The following DRD2 variants were observed in gnomAD, a reference collection of about 807,000 sequenced individuals.
The protein encoded by DRD2 is D(2) dopamine receptor.
DRD2 carries 8 observed loss-of-function variants against 38.0 expected under a neutral mutation model. That is an observed-to-expected ratio of 0.21 (90% CI 0.12 to 0.38). The LOEUF (loss-of-function observed/expected upper bound fraction) is 0.38. Ranked by LOEUF, DRD2 falls within the 10% of genes least tolerant of loss-of-function variation. DRD2 has a pLI of 1.00. For synonymous variants in DRD2, 230 were observed against 238.6 expected, an observed-to-expected ratio of 0.96 and a Z score of 0.33; for missense variants, 403 against 607.7, an observed-to-expected ratio of 0.66 and a Z score of 3.54.
intron 1 of DRD2, among the ~76,000 whole-genome samples, chr11:113,426,043 G>A (rs1362945097): frequency 6.6e-6 from 1 of 152,104 alleles, no homozygotes; most frequent in Non-Finnish European, 1.5e-5. Flanking sequence ...GCTCAGAGGA[G>A]AGTGATGTTT....
At chr11:113,452,744 T>G (rs1951228978) in intron 1 of DRD2, among the ~76,000 whole-genome samples, 2 of 151,342 alleles carry the variant, frequency 1.3e-5, no homozygotes, top group African/African-American at 4.9e-5. Context: ...TCCTCCTGGG[T>G]TCAAGCAATT....
intron 5 of DRD2, 53 bp from the exon 6 acceptor site, chr11:113,414,514 G>A: frequency 1.3e-6 from 2 of 1,588,330 alleles, no homozygotes. Context: ...ATGGAGGGGG[G>A]ACAGAAACCC....
At chr11:113,455,866 A>G (rs932089760) in intron 1 of DRD2, among the ~76,000 whole-genome samples, 1 of 152,248 alleles carries the variant, frequency 6.6e-6, no homozygotes, top group African/African-American at 2.4e-5. Context: ...GCCATTTTGG[A>G]GAATAATATG....
chr11:113,454,575 G>A (rs376185290), intron 1 of DRD2, among the ~76,000 whole-genome samples: 5 of 152,138 alleles, frequency 3.3e-5, no homozygotes, highest in East Asian at 1.9e-4. Flanking sequence ...TCTGTACTTC[G>A]TCCTGGCTGA....
intron 1 of DRD2, among the ~76,000 whole-genome samples, chr11:113,470,448 C>G (rs964951842): frequency 1.3e-5 from 2 of 152,170 alleles, no homozygotes; most frequent in African/African-American, 4.8e-5. Context: ...TCCTGGGAGC[C>G]AGGTCTGCCT....
intron 1 of DRD2, among the ~76,000 whole-genome samples, chr11:113,429,204 T>C (rs1237925663): frequency 6.6e-6 from 1 of 152,198 alleles, no homozygotes; most frequent in Non-Finnish European, 1.5e-5. Context: ...CCCCTATAAG[T>C]ACCTTGGTAC....
chr11:113,453,248 C>T (rs1464191861), intron 1 of DRD2, among the ~76,000 whole-genome samples: 1 of 152,112 alleles, frequency 6.6e-6, no homozygotes, highest in Non-Finnish European at 1.5e-5. Context: ...ACTGAAAAAC[C>T]CACTTAACTG....
chr11:113,415,905 T>C (rs1362108191), intron 4 of DRD2, among the ~76,000 whole-genome samples: 2 of 152,262 alleles, frequency 1.3e-5, no homozygotes, highest in Non-Finnish European at 2.9e-5. Flanking sequence ...TGTCTGGGCA[T>C]AACAAGTGAA....
At position 113,419,244 on chromosome 11, in the gene DRD2, G is replaced by A. The variant is rs558643737; in HGVS notation, c.286-1108C>T. On this transcript the variant is annotated intron_variant, in intron 2 of 7. Coordinates refer to ENST00000362072, the MANE Select transcript of DRD2 (RefSeq NM_000795.4). ...AGAATAATGGTGAAGATGAAGACTC[G>A]CCATGAAACAGAGAAGAAATTTCTG... is the stretch of plus-strand genomic sequence containing the variant. Among the ~76,000 whole-genome samples, 7 of 152,238 alleles carry A rather than the reference G, an allele frequency of 4.6e-5. No individual in the cohort carries two copies. The East Asian group carries it at 5.8e-4, about 13-fold the overall frequency.
Position 113,424,332 on chromosome 11 carries a change from G to A in DRD2, c.285+35C>T, listed in dbSNP as rs758392774. 9 of 1,608,916 alleles carry A rather than the reference G, an allele frequency of 5.6e-6. No individual in the cohort carries two copies. In the Admixed American group the frequency reaches 1.0e-4, roughly 18 times the overall value. On this transcript the variant is annotated intron_variant, in intron 2 of 7. Transcript: ENST00000362072. ...CAGTGTCCAGTGCAGGGCCCTGCTG[G>A]AGAAAGTGCTGGAGCAAGCAGGGGG...
intron 1 of DRD2, among the ~76,000 whole-genome samples, chr11:113,430,394 C>T (rs1950975274): frequency 6.6e-6 from 1 of 152,208 alleles, no homozygotes; most frequent in South Asian, 2.1e-4. Flanking sequence ...AAAATGCCAT[C>T]CAACCCCAGT....
intron 1 of DRD2, among the ~76,000 whole-genome samples, chr11:113,430,390 C>T (rs1272220413): frequency 6.6e-6 from 1 of 152,144 alleles, no homozygotes; most frequent in Non-Finnish European, 1.5e-5. Context: ...GAAAAAAATG[C>T]CATCCAACCC....
chr11:113,445,888 C>T (rs996075992), intron 1 of DRD2, among the ~76,000 whole-genome samples: 5 of 152,180 alleles, frequency 3.3e-5, no homozygotes, highest in Admixed American at 6.5e-5. Context: ...CTCTAACAAG[C>T]TCAGCCTGTC....
rs145926374 is a variant in DRD2, at chr11:113,471,471, G to A, written c.-32+3605C>T. ...CAAGGCCACAAAATGCCTTACTGGA[G>A]GTGAGAAGAGGGAAAATGGTGCTGG... is the stretch of plus-strand genomic sequence containing the variant. On this transcript the variant is annotated intron_variant, in intron 1 of 7. Transcript: ENST00000362072. Among the ~76,000 whole-genome samples, 418 of 152,294 alleles carry A rather than the reference G, an allele frequency of 2.7e-3. 4 individuals are homozygous for A. Among genetic ancestry groups the A allele is most frequent in the African/African-American group, 9.7e-3 (404 of 41,564 alleles).
At chr11:113,459,641 G>T (rs553656341) in intron 1 of DRD2, among the ~76,000 whole-genome samples, 2 of 152,296 alleles carry the variant, frequency 1.3e-5, no homozygotes, top group Admixed American at 1.3e-4. Context: ...GGCTGGGAAG[G>T]GGAGGGGGAG....
intron 4 of DRD2, 87 bp downstream of exon 4, chr11:113,416,776 T>C: frequency 6.4e-7 from 1 of 1,553,794 alleles, no homozygotes; most frequent in Non-Finnish European, 8.7e-7. Flanking sequence ...CCCATATCTG[T>C]GCCAGGGACT....
chr11:113,421,743 G>T (rs1950886087), intron 2 of DRD2, among the ~76,000 whole-genome samples: 1 of 152,204 alleles, frequency 6.6e-6, no homozygotes, highest in South Asian at 2.1e-4. Flanking sequence ...ACAGTGCGTG[G>T]TTGTGAGGGT....
intron 1 of DRD2, among the ~76,000 whole-genome samples, chr11:113,457,122 G>C (rs1185043977): frequency 6.6e-6 from 1 of 152,164 alleles, no homozygotes; most frequent in Non-Finnish European, 1.5e-5. Flanking sequence ...ACAGATGACA[G>C]TACGTAGGTA....
rs78258422 is a variant in DRD2, at chr11:113,446,665, A to T, written c.-31-21983T>A. ...CAAATGCAAGATGGGATATTTGGAA[A>T]TAGTTTACCCATGTTGCTGCTAAGC... On this transcript the variant is annotated intron_variant, in intron 1 of 7. Coordinates refer to ENST00000362072, the MANE Select transcript of DRD2 (RefSeq NM_000795.4). 3.4e-3 allele frequency among the ~76,000 whole-genome samples: 522 copies of T among 152,342 alleles called. 3 individuals are homozygous for T. The highest frequency in any genetic ancestry group is 0.012 in the African/African-American group (499 of 41,568).
Sources: gnomAD v4.1 joint callset for allele counts (sites outside exome capture counted in the v4.1 genomes callset) on GRCh38, gnomAD v4.1.1 for gene constraint, MANE v1.5 for transcripts, NCBI Gene and HGNC (gene_info 2026-07-23, HGNC 2026-07-21) for gene names.